NCOA2: variants seen among roughly 807,000 people sequenced by gnomAD.
NCOA2 encodes class E basic helix-loop-helix protein 75.
NCOA2 carries 21 observed loss-of-function variants against 145.1 expected under a neutral mutation model. The observed-to-expected ratio is 0.14, with a 90% CI of 0.10 to 0.21. The LOEUF (loss-of-function observed/expected upper bound fraction) is 0.21, where lower values mean the gene tolerates loss of function less well. Among genes scored for constraint, NCOA2 ranks in the 10% least tolerant of loss-of-function variants. The pLI is 1.00. For missense variants in NCOA2, 1,472 were observed against 1,837.6 expected, an observed-to-expected ratio of 0.80 and a Z score of 3.64; for synonymous variants, 619 against 637.5, an observed-to-expected ratio of 0.97 and a Z score of 0.44.
At chr8:70,347,176 T>C (rs1021280452) in intron 1 of NCOA2, among the ~76,000 whole-genome samples, 4 of 152,088 alleles carry the variant, frequency 2.6e-5, no homozygotes, top group Admixed American at 2.6e-4. Context: ...GGCGAAACCC[T>C]GTCTTCACTA....
intron 1 of NCOA2, among the ~76,000 whole-genome samples, chr8:70,389,247 C>A (rs1403182311): frequency 6.6e-6 from 1 of 152,086 alleles, no homozygotes; most frequent in Non-Finnish European, 1.5e-5. Flanking sequence ...CAGTGTGCAA[C>A]TCCAATATTT....
chr8:70,164,213 A>T (rs754886015), intron 7 of NCOA2, among the ~76,000 whole-genome samples: 1 of 152,198 alleles, frequency 6.6e-6, no homozygotes, highest in East Asian at 1.9e-4. Flanking sequence ...CACACAGCCA[A>T]TTCTAATCAC....
chr8:70,316,079 G>A (rs756917997), intron 1 of NCOA2, among the ~76,000 whole-genome samples: 32 of 152,186 alleles, frequency 2.1e-4, no homozygotes, highest in Non-Finnish European at 4.6e-4. Context: ...GCTTTCTAGG[G>A]AGAGTCATCC....
At chr8:70,286,350 C>G (rs962842730) in intron 2 of NCOA2, among the ~76,000 whole-genome samples, 7 of 152,142 alleles carry the variant, frequency 4.6e-5, no homozygotes, top group African/African-American at 1.7e-4. Context: ...CACTGCACTC[C>G]AGTCTGGTGA....
chr8:70,129,681 T>TTC (rs1468261731), intron 16 of NCOA2, among the ~76,000 whole-genome samples: 6 of 152,182 alleles, frequency 3.9e-5, no homozygotes, highest in African/African-American at 1.4e-4. Context: ...TCCTGACTTT[T>TTC]TTTTTTTGAG....
chr8:70,146,389 C>A (rs1451831197), intron 12 of NCOA2, among the ~76,000 whole-genome samples: 2 of 152,304 alleles, frequency 1.3e-5, no homozygotes, highest in South Asian at 2.1e-4. Flanking sequence ...TAAGATATTA[C>A]AAATTATAGT....
At chr8:70,290,410 G>A (rs909551046) in intron 2 of NCOA2, among the ~76,000 whole-genome samples, 1 of 151,884 alleles carries the variant, frequency 6.6e-6, no homozygotes, top group Non-Finnish European at 1.5e-5. Flanking sequence ...GGATGGTCTC[G>A]ATCTCCTAAC....
chr8:70,225,701 T>C (rs1285379651), intron 2 of NCOA2, among the ~76,000 whole-genome samples: 3 of 152,336 alleles, frequency 2.0e-5, no homozygotes, highest in Admixed American at 6.5e-5. Flanking sequence ...GAGTGTTATC[T>C]GAGAGCTTTC....
At chr8:70,268,621 C>A (rs1049606377) in intron 2 of NCOA2, among the ~76,000 whole-genome samples, 11 of 152,130 alleles carry the variant, frequency 7.2e-5, no homozygotes, top group African/African-American at 2.7e-4. Flanking sequence ...CTGGGCTGCA[C>A]TGGTTATTAG....
At chr8:70,120,738 C>T (rs1433716458) in intron 22 of NCOA2, among the ~76,000 whole-genome samples, 1 of 151,482 alleles carries the variant, frequency 6.6e-6, no homozygotes, top group Non-Finnish European at 1.5e-5. Context: ...CAAAACAAAA[C>T]AAAACAAAAA....
intron 1 of NCOA2, among the ~76,000 whole-genome samples, chr8:70,365,637 C>T (rs1206136835): frequency 6.6e-6 from 1 of 152,166 alleles, no homozygotes; most frequent in African/African-American, 2.4e-5. Flanking sequence ...TCATATTTTC[C>T]TATGGTGCCC....
rs773791465 is a variant in NCOA2 at position 70,155,983 on chromosome 8, C to G, written c.2382G>C (p.Glu794Asp). ...TGATAAAACTTACCTGGTCACCAGG[C>G]TCAAAGCTCATCTCCTCCTTCTCAG... The part of the protein sequence containing the change: ...MKTEKEEMSF[E>D]PGDQPGSELD... The change falls in exon 11 of 23, where the codon GAG becomes GAC. Residue 794 changes from glutamate to aspartate, a missense_variant. Around this residue, in one of 4 missense-constraint regions of NCOA2, gnomAD observed 953 missense variants for 1,062.1 expected, o/e 0.90. Coordinates refer to ENST00000452400, the MANE Select transcript of NCOA2 (RefSeq NM_006540.4). 6.3e-7 allele frequency: 1 copy of G among 1,577,796 alleles called. No homozygotes were observed. The highest frequency in any genetic ancestry group is 1.8e-5 in the Admixed American group (1 of 54,502).
Position 70,328,194 on chromosome 8 carries a change from T to C in NCOA2, c.-76-31394A>G, listed in dbSNP as rs188556025. Among the ~76,000 whole-genome samples, 183 of 152,242 alleles carry C rather than the reference T, an allele frequency of 1.2e-3. 3 individuals carry two copies. The highest frequency in any genetic ancestry group is 2.4e-4 in the Non-Finnish European group (16 of 68,006). ...CTGAACTTGGAAAACCAAGAACTAA[T>C]CAATTCAAGAACTTTTCAGCAGAAT... On this transcript the variant is annotated intron_variant, in intron 1 of 22. Coordinates refer to ENST00000452400, the MANE Select transcript of NCOA2 (RefSeq NM_006540.4).
chr8:70,406,187 A>G (rs1814777142), upstream of NCOA2, among the ~76,000 whole-genome samples: 1 of 152,220 alleles, frequency 6.6e-6, no homozygotes, highest in African/African-American at 2.4e-5. Context: ...GTTTCATTGA[A>G]TTTGTGAAAT....
At chr8:70,316,517 T>C (rs1323594431) in intron 1 of NCOA2, among the ~76,000 whole-genome samples, 11 of 152,230 alleles carry the variant, frequency 7.2e-5, no homozygotes, top group Non-Finnish European at 1.6e-4. Context: ...CTTCTGGGTA[T>C]TGTTAAACAA....
At chr8:70,222,146 A>C (rs1360941744) in intron 2 of NCOA2, among the ~76,000 whole-genome samples, 1 of 152,244 alleles carries the variant, frequency 6.6e-6, no homozygotes, top group Non-Finnish European at 1.5e-5. Context: ...GTTAAGTTAC[A>C]AAGTTTTAGA....
At chr8:70,366,992 CTCA>C (rs1439912481) in intron 1 of NCOA2, among the ~76,000 whole-genome samples, 1 of 152,208 alleles carries the variant, frequency 6.6e-6, no homozygotes, top group East Asian at 1.9e-4. Flanking sequence ...TGAGGATACT[CTCA>C]TCATCCACAG....
intron 2 of NCOA2, among the ~76,000 whole-genome samples, chr8:70,265,834 TTTTG>T (rs1418426696): frequency 1.1e-4 from 16 of 152,088 alleles, no homozygotes; most frequent in South Asian, 4.2e-4. Context: ...GTTGTTGTTG[TTTTG>T]TTTGTTTTTT....
chr8:70,216,714 G>T lies in NCOA2; in HGVS notation c.32C>A (p.Pro11His). 1 of 1,613,648 alleles carries T rather than the reference G, an allele frequency of 6.2e-7. No homozygotes were observed. The highest frequency in any genetic ancestry group is 8.5e-7 in the Non-Finnish European group (1 of 1,179,596). Residue 11 changes from proline to histidine, a missense_variant, in exon 3 of 23, where the codon CCC becomes CAC. Pro to His is a moderately conservative substitution (Grantham distance 77). Around this residue, in one of 4 missense-constraint regions of NCOA2, gnomAD observed 284 missense variants for 467.8 expected, o/e 0.61. Coordinates refer to ENST00000452400, the MANE Select transcript of NCOA2 (RefSeq NM_006540.4). Reference sequence around the variant, plus strand: ...GCGCTTTCTTGTCTCTGCCCTGGAGGGGTCAGAGGTATTTTCTCCCATCCC... The same window carrying T: ...GCGCTTTCTTGTCTCTGCCCTGGAGTGGTCAGAGGTATTTTCTCCCATCCC... MSGMGENTSDPSRAETRKRKE... is the reference protein window; with the variant it reads MSGMGENTSDHSRAETRKRKE...
Sources: gnomAD v4.1 joint callset for allele counts (sites outside exome capture counted in the v4.1 genomes callset) on GRCh38, gnomAD v4.1.1 for gene constraint, gnomAD v4.1.1 regional missense constraint, MANE v1.5 for transcripts, NCBI Gene and HGNC (gene_info 2026-07-23, HGNC 2026-07-21) for gene names.